Variants in EPHB1 observed in about 807,000 individuals in gnomAD.
EPHB1 encodes EPH receptor B1, also known as ephrin type-B receptor 1.
A neutral mutation model predicts 94.4 loss-of-function variants in EPHB1; 30 were observed. That is an observed-to-expected ratio of 0.32 (90% CI 0.24 to 0.43). The LOEUF (loss-of-function observed/expected upper bound fraction) is 0.43. EPHB1 is among the 20% of genes least tolerant of loss of function. EPHB1 has a pLI of 1.00. For missense variants in EPHB1, 1,055 were observed against 1,308.3 expected (o/e 0.81, Z 2.99); for synonymous variants, 522 against 489.1 (o/e 1.07, Z -0.89).
At chr3:135,166,630 G>A (rs1179358590) in intron 8 of EPHB1, among the ~76,000 whole-genome samples, 1 of 152,246 alleles carries the variant, frequency 6.6e-6, no homozygotes, top group Admixed American at 6.5e-5. Context: ...GTTCTGCAAT[G>A]TAGCTTAAGT....
intron 4 of EPHB1, among the ~76,000 whole-genome samples, chr3:135,110,863 A>G (rs1313974429): frequency 6.6e-6 from 1 of 152,042 alleles, no homozygotes; most frequent in African/African-American, 2.4e-5. Flanking sequence ...ACGACAGGGC[A>G]GTGGTGGGGT....
chr3:135,226,688 A>C (rs1033144980), intron 12 of EPHB1, among the ~76,000 whole-genome samples: 6 of 152,224 alleles, frequency 3.9e-5, no homozygotes, highest in Non-Finnish European at 7.3e-5. Flanking sequence ...GAATAATCCC[A>C]GAACATGCAG....
intron 1 of EPHB1, among the ~76,000 whole-genome samples, chr3:134,908,688 G>A (rs1200783294): frequency 1.3e-5 from 2 of 152,150 alleles, no homozygotes; most frequent in Non-Finnish European, 2.9e-5. Context: ...AGAGGGAGGA[G>A]AAAGGAGAGA....
At chr3:135,055,361 G>A (rs1024670267) in intron 3 of EPHB1, among the ~76,000 whole-genome samples, 5 of 152,132 alleles carry the variant, frequency 3.3e-5, no homozygotes, top group South Asian at 2.1e-4. Context: ...AGGCCCTCCC[G>A]TGGGCCAGCC....
At chr3:135,189,563 G>T (rs1479337901) in intron 10 of EPHB1, among the ~76,000 whole-genome samples, 4 of 152,344 alleles carry the variant, frequency 2.6e-5, no homozygotes, top group Admixed American at 2.6e-4. Context: ...TGCAAATTAT[G>T]TAACCAATCC....
chr3:135,055,125 A>T (rs146447458), intron 3 of EPHB1, among the ~76,000 whole-genome samples: 79 of 152,372 alleles, frequency 5.2e-4, no homozygotes, highest in African/African-American at 1.8e-3. Flanking sequence ...ATATTAAAAA[A>T]ATCAAGAACC....
intron 6 of EPHB1, among the ~76,000 whole-genome samples, chr3:135,160,087 A>G (rs1576435445): frequency 6.6e-6 from 1 of 152,206 alleles, no homozygotes; most frequent in African/African-American, 2.4e-5. Context: ...AACTCACTCA[A>G]TCAACACTGC....
Position 134,951,989 on chromosome 3 carries a change from G to C in EPHB1, c.742G>C (p.Val248Leu). Residue 248 changes from valine (V) to leucine (L), a missense_variant, in exon 3 of 16, where the codon GTG (valine) becomes CTG (leucine). Coordinates refer to ENST00000398015, the MANE Select transcript of EPHB1 (RefSeq NM_004441.5). The surrounding 1 kb of genome is among the most constrained non-coding windows in gnomAD (Gnocchi z 4.5). ...LYCNGDGEWM[V>L]PIGRCTCKPG... ...CTGCAACGGGGATGGGGAATGGATG[G>C]TGCCTATTGGGCGATGCACCTGCAA... 6.2e-7 allele frequency: 1 copy of C among 1,614,004 alleles called. No individual in the cohort carries two copies. The highest frequency in any genetic ancestry group is 8.5e-7 in the Non-Finnish European group (1 of 1,179,894).
chr3:135,142,585 T>C (rs1940864331), intron 5 of EPHB1, among the ~76,000 whole-genome samples: 1 of 152,142 alleles, frequency 6.6e-6, no homozygotes, highest in Non-Finnish European at 1.5e-5. Flanking sequence ...GAGTGCCAGA[T>C]GAAGCCAAAA....
At chr3:135,196,574 A>T (rs1942623149) in intron 11 of EPHB1, among the ~76,000 whole-genome samples, 1 of 152,156 alleles carries the variant, frequency 6.6e-6, no homozygotes, top group Non-Finnish European at 1.5e-5. Context: ...ACATTAATTG[A>T]CATATCTGCT....
At position 134,951,803 on chromosome 3, in the gene EPHB1, C is replaced by T. The variant is rs1197104045; in HGVS notation, c.556C>T (p.Leu186Phe). The T allele has an allele frequency of 1.2e-6, 2 of 1,614,030 alleles. No individual in the cohort carries two copies. The highest frequency in any genetic ancestry group is 1.7e-6 in the Non-Finnish European group (2 of 1,179,898). ...TCAGGATTATGGAGCCTGTATGTCTCTTCTTTCTGTCCGTGTCTTCTTCAA... is the reference window on the plus strand; with the variant it reads ...TCAGGATTATGGAGCCTGTATGTCTTTTCTTTCTGTCCGTGTCTTCTTCAA... ...AFQDYGACMS[L>F]LSVRVFFKKC... Residue 186 changes from leucine to phenylalanine, a missense_variant, in exon 3 of 16, where the codon CTT (leucine) becomes TTT (phenylalanine). Transcript: ENST00000398015. The surrounding 1 kb of genome is among the most constrained non-coding windows in gnomAD (Gnocchi z 4.5).
At chr3:134,802,413 C>T (rs554219689) in intron 1 of EPHB1, among the ~76,000 whole-genome samples, 1 of 151,170 alleles carries the variant, frequency 6.6e-6, no homozygotes, top group Admixed American at 6.6e-5. Flanking sequence ...GGCATGGTGA[C>T]CCTTTGGCAA....
At chr3:135,206,298 T>C (rs905231356) in intron 12 of EPHB1, among the ~76,000 whole-genome samples, 3 of 152,232 alleles carry the variant, frequency 2.0e-5, no homozygotes, top group African/African-American at 7.2e-5. Context: ...TTTTTGACTA[T>C]GTATTGGGAA....
At chr3:135,240,293 T>C (rs924390662) in intron 12 of EPHB1, among the ~76,000 whole-genome samples, 1 of 152,188 alleles carries the variant, frequency 6.6e-6, no homozygotes, top group African/African-American at 2.4e-5. Flanking sequence ...CACAAAGTGG[T>C]GCTTATTGCC....
At chr3:134,885,188 T>C (rs1227814354) in intron 1 of EPHB1, among the ~76,000 whole-genome samples, 1 of 152,238 alleles carries the variant, frequency 6.6e-6, no homozygotes, top group Non-Finnish European at 1.5e-5. Flanking sequence ...ATGGGATTGA[T>C]GGAAGATGAG....
At position 135,259,362 on chromosome 3, in the gene EPHB1, T is replaced by C. The variant is rs1933552094; in HGVS notation, c.*242T>C. On this transcript the variant is annotated 3_prime_UTR_variant, in exon 16 of 16. Coordinates refer to ENST00000398015, the MANE Select transcript of EPHB1 (RefSeq NM_004441.5). ...TAATAAAAATATAAAAAGGTGATGT[T>C]CAACAGAAGTGAAGACAAAACAATA... 1 of 331,256 alleles carries C rather than the reference T, an allele frequency of 3.0e-6. No homozygotes were observed. 20.5% of individuals were successfully genotyped at this position (331,256 alleles called of 1,614,324 possible). A position where few individuals can be genotyped will look rare whatever the true frequency, so the allele number is the denominator to read the frequency against.
At chr3:134,967,783 T>C (rs1408625433) in intron 3 of EPHB1, among the ~76,000 whole-genome samples, 3 of 151,668 alleles carry the variant, frequency 2.0e-5, no homozygotes, top group African/African-American at 7.3e-5. Context: ...AGGATGATAA[T>C]TGATTTATCC....
At chr3:134,804,315 T>C (rs186194434) in intron 1 of EPHB1, among the ~76,000 whole-genome samples, 292 of 152,066 alleles carry the variant, frequency 1.9e-3, no homozygotes, top group African/African-American at 6.8e-3. Context: ...ACCTATCAGA[T>C]CTCATGAGAC....
At chr3:134,834,647 A>G (rs1373161262) in intron 1 of EPHB1, among the ~76,000 whole-genome samples, 1 of 152,194 alleles carries the variant, frequency 6.6e-6, no homozygotes, top group South Asian at 2.1e-4. Flanking sequence ...AGATGACCCT[A>G]TGATCCTGTG....
Sources: gnomAD v4.1 joint callset for allele counts (sites outside exome capture counted in the v4.1 genomes callset) on GRCh38, gnomAD v4.1.1 for gene constraint, Gnocchi (gnomAD v3.1) non-coding constraint, MANE v1.5 for transcripts, NCBI Gene and HGNC (gene_info 2026-07-23, HGNC 2026-07-21) for gene names.